Variants in ARHGAP5 observed in about 807,000 individuals in gnomAD.
ARHGAP5 encodes the protein Rho GTPase activating protein 5.
In ARHGAP5, 23 loss-of-function variants were observed where a neutral mutation model predicts 116.6. The ratio of observed to expected loss-of-function variants is 0.20; its 90% CI spans 0.14 to 0.28. ARHGAP5 has a LOEUF of 0.28. Among genes scored for constraint, ARHGAP5 ranks in the 10% least tolerant of loss-of-function variants. The pLI, the probability that ARHGAP5 is intolerant of heterozygous loss-of-function variation, is 1.00. For synonymous variants in ARHGAP5, 574 were observed against 602.0 expected (o/e 0.95, Z 0.68); for missense variants, 1,405 against 1,774.8 (o/e 0.79, Z 3.74).
At chr14:32,148,722 A>C (rs540296580) in intron 4 of ARHGAP5, among the ~76,000 whole-genome samples, 1 of 152,298 alleles carries the variant, frequency 6.6e-6, no homozygotes, top group African/African-American at 2.4e-5. Flanking sequence ...TGATTTGGCA[A>C]TTTTTTTAAT....
rs1441827456 is a variant in ARHGAP5 at position 32,156,676 on chromosome 14, TTAC to T, written c.*1730_*1732del. 1.8e-4 allele frequency: 28 copies of T among 152,390 alleles called. No individual in the cohort carries two copies. Among genetic ancestry groups the T allele is most frequent in the Admixed American group, 1.8e-3 (27 of 15,276 alleles). 9.4% of individuals were successfully genotyped at this position (152,390 alleles called of 1,614,324 possible). On this transcript the variant is annotated 3_prime_UTR_variant, in exon 7 of 7. Transcript: ENST00000345122. ...TGTAGTATTCTTAACCTGTTCTATA[TTAC>T]TTATACCTATTGTCTATATAGCTTT... is the stretch of plus-strand genomic sequence containing the variant.
At chr14:32,144,774 A>C (rs1321014656) in intron 3 of ARHGAP5, among the ~76,000 whole-genome samples, 1 of 151,876 alleles carries the variant, frequency 6.6e-6, no homozygotes, top group African/African-American at 2.4e-5. Context: ...GGGAGCCATC[A>C]CTCCTGGCCT....
intron 4 of ARHGAP5, among the ~76,000 whole-genome samples, chr14:32,148,914 C>A (rs1055198091): frequency 2.0e-5 from 3 of 152,060 alleles, no homozygotes; most frequent in Non-Finnish European, 4.4e-5. Context: ...GTCGGAACTT[C>A]ACCAACTACT....
At chr14:32,135,448 A>C (rs1432668209) in intron 3 of ARHGAP5, among the ~76,000 whole-genome samples, 1 of 152,136 alleles carries the variant, frequency 6.6e-6, no homozygotes. Context: ...TTTGAGGTGG[A>C]GTCTCCCTCT....
At chr14:32,116,868 T>G (rs1272998491) in intron 2 of ARHGAP5, among the ~76,000 whole-genome samples, 1 of 152,180 alleles carries the variant, frequency 6.6e-6, no homozygotes, top group African/African-American at 2.4e-5. Context: ...CATTGAAAAG[T>G]GATATTTTCT....
At position 32,142,618 on chromosome 14, in the gene ARHGAP5, C is replaced by G. The variant is rs1466509365; in HGVS notation, c.3866-3645C>G. Among the ~76,000 whole-genome samples, 21 of 152,112 alleles carry G rather than the reference C, an allele frequency of 1.4e-4. 1 individual carries two copies. The highest frequency in any genetic ancestry group is 1.4e-3 in the Admixed American group (21 of 15,260). ...CCCTTGTGCCTTCCCTTCAGAGAGCCAAAAGACAGGTTGAAATCCATGACC... is the reference window on the plus strand; with the variant it reads ...CCCTTGTGCCTTCCCTTCAGAGAGCGAAAAGACAGGTTGAAATCCATGACC... On this transcript the variant is annotated intron_variant, in intron 3 of 6. Coordinates refer to ENST00000345122, the MANE Select transcript of ARHGAP5 (RefSeq NM_001030055.2).
chr14:32,079,771 A>G (rs1297804165), intron 1 of ARHGAP5, among the ~76,000 whole-genome samples: 1 of 152,160 alleles, frequency 6.6e-6, no homozygotes, highest in Non-Finnish European at 1.5e-5. Context: ...TTTTCTTGGT[A>G]GCTACAGAAT....
At chr14:32,138,291 GT>G (rs1015834882) in intron 3 of ARHGAP5, among the ~76,000 whole-genome samples, 23 of 152,088 alleles carry the variant, frequency 1.5e-4, no homozygotes, top group Non-Finnish European at 3.2e-4. Context: ...TTTGTGGTTT[GT>G]TTTGTTTTTA....
intron 2 of ARHGAP5, among the ~76,000 whole-genome samples, chr14:32,112,813 G>C (rs1879377711): frequency 6.6e-6 from 1 of 152,044 alleles, no homozygotes; most frequent in South Asian, 2.1e-4. Context: ...GGAGCTTGCA[G>C]TGAGCAGAGA....
At chr14:32,147,737 A>G (rs7144403) in intron 4 of ARHGAP5, among the ~76,000 whole-genome samples, 3,135 of 152,322 alleles carry the variant, frequency 0.021, 119 homozygotes, top group African/African-American at 0.071. Flanking sequence ...TGTAAAATAA[A>G]GATTTTATGC....
chr14:32,084,682 G>A (rs2041811389), intron 1 of ARHGAP5, among the ~76,000 whole-genome samples: 1 of 152,094 alleles, frequency 6.6e-6, no homozygotes, highest in African/African-American at 2.4e-5. Flanking sequence ...CTCTTCATTT[G>A]CCTGATTATA....
At chr14:32,090,170 G>A (rs927566386) in intron 1 of ARHGAP5, among the ~76,000 whole-genome samples, 36 of 152,086 alleles carry the variant, frequency 2.4e-4, no homozygotes, top group African/African-American at 8.2e-4. Flanking sequence ...GTGACAGAAG[G>A]CAGGAAAATT....
At chr14:32,102,203 A>G (rs1360667004) in intron 2 of ARHGAP5, among the ~76,000 whole-genome samples, 2 of 152,224 alleles carry the variant, frequency 1.3e-5, no homozygotes, top group African/African-American at 4.8e-5. Flanking sequence ...ACATCCCCTT[A>G]GGGGAGAAAG....
chr14:32,094,846 T>C (rs1423002211), intron 2 of ARHGAP5, among the ~76,000 whole-genome samples: 1 of 152,196 alleles, frequency 6.6e-6, no homozygotes, highest in Non-Finnish European at 1.5e-5. Context: ...GGTGGTATAC[T>C]ACCTGAAGGT....
intron 1 of ARHGAP5, among the ~76,000 whole-genome samples, chr14:32,088,961 A>G (rs898032517): frequency 1.3e-5 from 2 of 152,052 alleles, no homozygotes; most frequent in African/African-American, 4.8e-5. Flanking sequence ...TCGGATTTTG[A>G]AATTAGTTGT....
chr14:32,132,708 T>TA (rs34239098), intron 3 of ARHGAP5, among the ~76,000 whole-genome samples: 47,773 of 152,108 alleles, frequency 0.31, 9,482 homozygotes, highest in Non-Finnish European at 0.46. Context: ...CTAGGGTTTT[T>TA]ATGGTTTTAG....
intron 3 of ARHGAP5, among the ~76,000 whole-genome samples, chr14:32,121,025 T>TTTA (rs1555357841): frequency 6.8e-6 from 1 of 146,166 alleles, no homozygotes; most frequent in African/African-American, 2.5e-5. Flanking sequence ...TTTTTTTTTT[T>TTTA]TTTTTTTTGG....
chr14:32,090,708 T>C lies in ARHGAP5; in HGVS notation c.39T>C (p.Tyr13=). 6.2e-7 allele frequency: 1 copy of C among 1,612,884 alleles called. No individual in the cohort carries two copies. Among genetic ancestry groups the C allele is most frequent in the Non-Finnish European group, 8.5e-7 (1 of 1,179,368 alleles). The change falls in exon 2 of 7, where the codon TAT becomes TAC. Residue 13 remains tyrosine, a synonymous_variant. Transcript: ENST00000345122. ...AKNKEPRPPS[Y]TISIVGLSGT... Reference sequence around the variant, plus strand: ...ACAAAGAGCCTCGTCCCCCATCCTATACCATCAGTATAGTTGGACTCTCTG... The same window carrying C: ...ACAAAGAGCCTCGTCCCCCATCCTACACCATCAGTATAGTTGGACTCTCTG...
Position 32,157,603 on chromosome 14 carries a change from A to G in ARHGAP5, c.*2655A>G, listed in dbSNP as rs946777951. The stretch of plus-strand genomic sequence containing the variant: ...TTTCAGTAGATTTATTAGAAGTCAA[A>G]TTCTATTCAACAGACACTTATTAGG... On this transcript the variant is annotated 3_prime_UTR_variant, in exon 7 of 7. Transcript: ENST00000345122. 5 of 152,206 alleles carry G rather than the reference A, an allele frequency of 3.3e-5. No individual in the cohort carries two copies. Among genetic ancestry groups the G allele is most frequent in the Non-Finnish European group, 4.4e-5 (3 of 67,728 alleles). 9.4% of individuals were successfully genotyped at this position (152,206 alleles called of 1,614,324 possible).
Sources: allele counts gnomAD v4.1 joint callset (sites outside exome capture counted in the v4.1 genomes callset), GRCh38; gene constraint gnomAD v4.1.1; transcripts MANE v1.5; gene names NCBI Gene and HGNC (gene_info 2026-07-23, HGNC 2026-07-21).